ALAS1: variants seen among roughly 807,000 people sequenced by gnomAD.
ALAS1 encodes the protein 5'-aminolevulinate synthase 1, also known as 5-aminolevulinate synthase, non-specific, mitochondrial.
In ALAS1, 29 loss-of-function variants were observed where a neutral mutation model predicts 59.6. The observed-to-expected ratio is 0.49, with a 90% CI of 0.36 to 0.66. ALAS1 has a LOEUF of 0.66. Among genes scored for constraint, ALAS1 ranks in the 30% least tolerant of loss-of-function variants. The pLI, the probability that ALAS1 is intolerant of heterozygous loss-of-function variation, is 0.00. For missense variants in ALAS1, 690 were observed against 807.5 expected, an observed-to-expected ratio of 0.85 and a Z score of 1.76; for synonymous variants, 299 against 296.6, an observed-to-expected ratio of 1.01 and a Z score of -0.08.
intron 9 of ALAS1, among the ~76,000 whole-genome samples, chr3:52,210,977 T>G (rs1295664246): frequency 6.6e-6 from 1 of 152,208 alleles, no homozygotes; most frequent in African/African-American, 2.4e-5. Flanking sequence ...GCTGCAAACC[T>G]GTACAACATG....
At position 52,212,003 on chromosome 3, in the gene ALAS1, G is replaced by A. The variant is rs555356019; in HGVS notation, c.1600-255G>A. On this transcript the variant is annotated intron_variant, in intron 10 of 11. Coordinates refer to ENST00000484952, the MANE Select transcript of ALAS1 (RefSeq NM_000688.6). ...CGTGGGTATGAGAGTCTGCTGGTAC[G>A]AACAGAACCAGTGTTTTCTGATTAA... Among the ~76,000 whole-genome samples, 7 of 152,314 alleles carry A rather than the reference G, an allele frequency of 4.6e-5. No homozygotes were observed. In the South Asian group the frequency reaches 1.0e-3, roughly 23 times the overall value.
intron 3 of ALAS1, among the ~76,000 whole-genome samples, chr3:52,201,042 A>C (rs1020001663): frequency 6.6e-6 from 1 of 152,204 alleles, no homozygotes; most frequent in Non-Finnish European, 1.5e-5. Flanking sequence ...TTTATAATAA[A>C]TGAAATTAAC....
At chr3:52,205,580 C>G (rs181665647) in intron 6 of ALAS1, among the ~76,000 whole-genome samples, 25 of 152,254 alleles carry the variant, frequency 1.6e-4, no homozygotes, top group Admixed American at 1.2e-3. Context: ...AGAAACTCAG[C>G]TAATACCAAG....
intron 8 of ALAS1, among the ~76,000 whole-genome samples, chr3:52,207,186 G>T (rs1275390131): frequency 6.6e-6 from 1 of 152,062 alleles, no homozygotes. Flanking sequence ...TGTATTTTTA[G>T]TAGAGACAGG....
chr3:52,213,646 C>G (rs1699457396), intron 11 of ALAS1, among the ~76,000 whole-genome samples: 1 of 152,134 alleles, frequency 6.6e-6, no homozygotes, highest in Non-Finnish European at 1.5e-5. Context: ...CTCTTTTCCC[C>G]ATCCCCAGCC....
intron 9 of ALAS1, among the ~76,000 whole-genome samples, chr3:52,211,075 A>G (rs913186065): frequency 6.6e-6 from 1 of 152,224 alleles, no homozygotes; most frequent in Admixed American, 6.5e-5. Flanking sequence ...AAAATACAGT[A>G]TTATAATCTT....
chr3:52,208,258 A>C lies in ALAS1; in HGVS notation c.1330+11A>C. On this transcript the variant is annotated intron_variant, in intron 9 of 11. Coordinates refer to ENST00000484952, the MANE Select transcript of ALAS1 (RefSeq NM_000688.6). ...TTTCTGGAACACTTGGTATGTATAC[A>C]TTGTATTACATACACTAAAATTCCA... is the stretch of plus-strand genomic sequence containing the variant. The C allele has an allele frequency of 6.2e-7, 1 of 1,613,192 alleles. No individual in the cohort carries two copies. Among genetic ancestry groups the C allele is most frequent in the Admixed American group, 1.7e-5 (1 of 59,946 alleles).
intron 4 of ALAS1, among the ~76,000 whole-genome samples, chr3:52,202,954 A>G (rs1000580405): frequency 6.6e-6 from 1 of 152,160 alleles, no homozygotes; most frequent in African/African-American, 2.4e-5. Flanking sequence ...ACCAGCTTTT[A>G]TAGTTACTAC....
Position 52,208,202 on chromosome 3 carries a change from C to G in ALAS1, c.1285C>G (p.Arg429Gly). The change falls in exon 9 of 12, where the codon CGG (arginine) becomes GGG (glycine). Residue 429 changes from arginine to glycine, a missense_variant. Physicochemically the swap from Arg to Gly is moderately radical, Grantham distance 125. Coordinates refer to ENST00000484952, the MANE Select transcript of ALAS1 (RefSeq NM_000688.6). ...GGCTCGAGGCGGAGGGATTGGGGAT[C>G]GGGATGGAGTCATGCCAAAAATGGA... ...YGARGGGIGD[R>G]DGVMPKMDII... 6.2e-7 allele frequency: 1 copy of G among 1,614,038 alleles called. No individual in the cohort carries two copies. Among genetic ancestry groups the G allele is most frequent in the South Asian group, 1.1e-5 (1 of 91,076 alleles).
At chr3:52,208,366 C>G (rs1452612512) in intron 9 of ALAS1, 119 bp downstream of exon 9, 2 of 1,163,642 alleles carry the variant, frequency 1.7e-6, no homozygotes, top group Non-Finnish European at 2.4e-6. Context: ...GCCTGGGCCA[C>G]TCTTTCTTTT....
rs1423331111 is a variant in ALAS1, at chr3:52,204,862, C to T, written c.747C>T (p.Cys249=). 17 of 1,614,022 alleles carry T rather than the reference C, an allele frequency of 1.1e-5. No individual in the cohort carries two copies. The East Asian group carries it at 2.2e-4, about 21-fold the overall frequency. Residue 249 remains cysteine, a synonymous_variant, in exon 6 of 12, where the codon TGC becomes TGT. Transcript: ENST00000484952. ...CCAAAAAGCAAGTGTCAGTCTGGTGCAGTAATGACTACCTAGGAATGAGTC... is the reference window on the plus strand; with the variant it reads ...CCAAAAAGCAAGTGTCAGTCTGGTGTAGTAATGACTACCTAGGAATGAGTC... ...LITKKQVSVW[C]SNDYLGMSRH... is the part of the protein sequence containing the mutation.
intron 9 of ALAS1, among the ~76,000 whole-genome samples, chr3:52,209,597 T>C (rs1176232972): frequency 6.6e-6 from 1 of 152,252 alleles, no homozygotes; most frequent in Non-Finnish European, 1.5e-5. Context: ...AGAGAAACTT[T>C]ATACCATAGG....
rs1351168353 is a variant in ALAS1 at position 52,205,945 on chromosome 3, A to G, written c.907A>G (p.Lys303Glu). ...LERELADLHG[K>E]DAALLFSSCF... ...GCGGGAGCTGGCAGACCTCCATGGG[A>G]AAGATGCCGCACTCTTGTTTTCCTC... The change falls in exon 7 of 12, where the codon AAA becomes GAA. Residue 303 changes from lysine to glutamate, a missense_variant. Coordinates refer to ENST00000484952, the MANE Select transcript of ALAS1 (RefSeq NM_000688.6). 2 of 1,614,066 alleles carry G rather than the reference A, an allele frequency of 1.2e-6. No homozygotes were observed. The highest frequency in any genetic ancestry group is 1.7e-6 in the Non-Finnish European group (2 of 1,180,038).
rs1577972951 is a variant in ALAS1 at position 52,211,448 on chromosome 3, T to G, written c.1496T>G (p.Val499Gly). 6.2e-7 allele frequency: 1 copy of G among 1,614,154 alleles called. No individual in the cohort carries two copies. Among genetic ancestry groups the G allele is most frequent in the South Asian group, 1.1e-5 (1 of 91,076 alleles). Residue 499 changes from valine to glycine, a missense_variant, in exon 10 of 12, where the codon GTG becomes GGG. By Grantham distance (109) the Val-to-Gly change is moderately radical. Coordinates refer to ENST00000484952, the MANE Select transcript of ALAS1 (RefSeq NM_000688.6). ...ATCCTGAAGAGCGCTGAGGGACGGG[T>G]GCTTCGCCGCCAGCACCAGCGCAAC... ...VRILKSAEGR[V>G]LRRQHQRNVK...
rs747629001 is a variant in ALAS1, at chr3:52,211,458, C to T, written c.1506C>T (p.Arg502=). The T allele has an allele frequency of 6.2e-7, 1 of 1,614,226 alleles. No individual in the cohort carries two copies. Among genetic ancestry groups the T allele is most frequent in the East Asian group, 2.2e-5 (1 of 44,886 alleles). ...GCGCTGAGGGACGGGTGCTTCGCCG[C>T]CAGCACCAGCGCAACGTCAAACTCA... The part of the protein sequence containing the change: ...LKSAEGRVLR[R]QHQRNVKLMR... Residue 502 remains arginine (R), a synonymous_variant, in exon 10 of 12, where the codon CGC becomes CGT. Coordinates refer to ENST00000484952, the MANE Select transcript of ALAS1 (RefSeq NM_000688.6).
In ALAS1 at chr3:52,204,727, G is replaced by A; in HGVS notation, c.612G>A (p.Glu204=). The A allele has an allele frequency of 6.2e-7, 1 of 1,613,984 alleles. No homozygotes were observed. The highest frequency in any genetic ancestry group is 8.5e-7 in the Non-Finnish European group (1 of 1,179,994). The change falls in exon 6 of 12, where the codon GAG becomes GAA. Residue 204 remains glutamate (E), a synonymous_variant. Coordinates refer to ENST00000484952, the MANE Select transcript of ALAS1 (RefSeq NM_000688.6). ...CTTTTCAGTATGATCGTTTCTTTGA[G>A]AAAAAAATTGATGAGAAAAAGAATG... ...VSTFQYDRFF[E]KKIDEKKNDH...
At chr3:52,202,409 A>T in intron 3 of ALAS1, 98 bp from the exon 4 acceptor site, 3 of 964,744 alleles carry the variant, frequency 3.1e-6, no homozygotes, top group Non-Finnish European at 3.3e-6. Flanking sequence ...AGTAAGTATT[A>T]AGTTTATCTT....
intron 3 of ALAS1, 55 bp downstream of exon 3, chr3:52,199,495 A>C: frequency 6.5e-7 from 1 of 1,538,706 alleles, no homozygotes; most frequent in Non-Finnish European, 8.9e-7. Context: ...TCATTGGTAG[A>C]CTAGAAGCAG....
chr3:52,208,144 C>T lies in ALAS1; in HGVS notation c.1227C>T (p.Phe409=), dbSNP rs368746086. The T allele has an allele frequency of 1.8e-5, 29 of 1,611,350 alleles. No individual in the cohort carries two copies. Among genetic ancestry groups the T allele is most frequent in the African/African-American group, 4.0e-5 (3 of 74,876 alleles). Residue 409 remains phenylalanine, a synonymous_variant, in exon 9 of 12, where the codon TTC becomes TTT. Transcript: ENST00000484952. ...DVAHEFGAIT[F]VDEVHAVGLY... ...CCCATGAGTTTGGAGCAATCACCTT[C>T]GTGGATGAGGTCCACGCAGTGGGGC... is the stretch of plus-strand genomic sequence containing the variant.
Sources: allele counts gnomAD v4.1 joint callset (sites outside exome capture counted in the v4.1 genomes callset), GRCh38; gene constraint gnomAD v4.1.1; transcripts MANE v1.5; gene names NCBI Gene and HGNC (gene_info 2026-07-23, HGNC 2026-07-21).